The following RGS3 variants were observed in gnomAD, a reference collection of about 807,000 sequenced individuals.
RGS3 encodes the protein regulator of G protein signaling 3, also known as regulator of G-protein signalling 3.
RGS3 carries 80 observed loss-of-function variants against 132.6 expected under a neutral mutation model. That is an observed-to-expected ratio of 0.60 (90% CI 0.50 to 0.73). The LOEUF (loss-of-function observed/expected upper bound fraction) is 0.73. RGS3 is among the 30% of genes least tolerant of loss of function. RGS3 has a pLI of 0.00. For missense variants in RGS3, 1,382 were observed against 1,530.8 expected (o/e 0.90, Z 1.62); for synonymous variants, 598 against 620.6 (o/e 0.96, Z 0.54).
At chr9:113,535,172 C>G (rs1832627842) in intron 18 of RGS3, among the ~76,000 whole-genome samples, 1 of 151,266 alleles carries the variant, frequency 6.6e-6, no homozygotes, top group South Asian at 2.1e-4. Flanking sequence ...TTTTTCGAGG[C>G]TGAGTCTTGC....
chr9:113,491,396 G>A lies in RGS3; in HGVS notation c.690-4390G>A, dbSNP rs866972504. 6.6e-5 allele frequency among the ~76,000 whole-genome samples: 10 copies of A among 151,408 alleles called. No individual in the cohort carries two copies. The East Asian group carries it at 1.2e-3, about 18-fold the overall frequency. On this transcript the variant is annotated intron_variant, in intron 7 of 24. Coordinates refer to ENST00000350696, the Ensembl canonical transcript of RGS3. ...CCCAAGTAGCTGGCACTCTGCAGGC[G>A]CATGCCACCATGCCCAGCTGATTTT... is the stretch of plus-strand genomic sequence containing the variant.
chr9:113,534,397 C>T (rs1011629697), intron 18 of RGS3, among the ~76,000 whole-genome samples: 1 of 152,070 alleles, frequency 6.6e-6, no homozygotes, highest in Non-Finnish European at 1.5e-5. Flanking sequence ...TCCAGGACCC[C>T]ACAGATACCA....
In RGS3 at chr9:113,540,571, C is replaced by T. The variant is rs556969382; in HGVS notation, c.2037+3653C>T. ...CCTCCTGCTCAGTACCCTTCATGTG[C>T]CTGGTGCTGGGCTGGGCTCCAGGAA... On this transcript the variant is annotated intron_variant, in intron 19 of 24. Transcript: ENST00000350696. Among the ~76,000 whole-genome samples, 5 of 152,278 alleles carry T rather than the reference C, an allele frequency of 3.3e-5. No individual in the cohort carries two copies. In the South Asian group the frequency reaches 6.2e-4, roughly 19 times the overall value.
rs1438989522 is a variant in RGS3, at chr9:113,523,946, TC to T, written c.1870+909del. ...CAGTATGAGAACCGCCACTCTCACT[TC>T]CCCACAGGAAGCCACTGACAACTTC... On this transcript the variant is annotated intron_variant, in intron 17 of 24. Transcript: ENST00000350696. Among the ~76,000 whole-genome samples, 21 of 152,130 alleles carry T rather than the reference TC, an allele frequency of 1.4e-4. 1 individual carries two copies. The highest frequency in any genetic ancestry group is 7.4e-5 in the Non-Finnish European group (5 of 68,022).
intron 3 of RGS3, among the ~76,000 whole-genome samples, chr9:113,470,191 T>C (rs1829785860): frequency 6.6e-6 from 1 of 152,082 alleles, no homozygotes; most frequent in African/African-American, 2.4e-5. Context: ...TTTTTATAAA[T>C]GTTCTTTGTG....
Position 113,503,629 on chromosome 9 carries a change from A to G in RGS3, c.898-1813A>G, listed in dbSNP as rs539694083. Among the ~76,000 whole-genome samples, 3 of 152,254 alleles carry G rather than the reference A, an allele frequency of 2.0e-5. No individual in the cohort carries two copies. The South Asian group carries it at 6.2e-4, about 32-fold the overall frequency. ...GACCCCACTCTCCAGTTACTGCCCCATAACTGGCCATCCAGAGCCCAGGGT... is the reference window on the plus strand; with the variant it reads ...GACCCCACTCTCCAGTTACTGCCCCGTAACTGGCCATCCAGAGCCCAGGGT... On this transcript the variant is annotated intron_variant, in intron 10 of 24. Coordinates refer to ENST00000350696, the Ensembl canonical transcript of RGS3.
chr9:113,456,258 A>G (rs1244675128), upstream of RGS3, among the ~76,000 whole-genome samples: 1 of 152,106 alleles, frequency 6.6e-6, no homozygotes, highest in Non-Finnish European at 1.5e-5. Context: ...GAATTCCTAA[A>G]TCTATATTTC....
intron 3 of RGS3, among the ~76,000 whole-genome samples, chr9:113,478,178 G>A (rs142560591): frequency 6.6e-5 from 10 of 152,118 alleles, no homozygotes; most frequent in African/African-American, 1.7e-4. Flanking sequence ...TTCCAGCCCC[G>A]TCCTTCTGTT....
intron 19 of RGS3, chr9:113,541,366 A>G (rs1346772435): frequency 6.2e-7 from 1 of 1,613,786 alleles, no homozygotes; most frequent in Non-Finnish European, 8.5e-7. Flanking sequence ...GGGCCGGTCA[A>G]CTCAACCAAT....
chr9:113,521,212 T>C (rs973244145), intron 16 of RGS3, among the ~76,000 whole-genome samples: 6 of 152,184 alleles, frequency 3.9e-5, no homozygotes, highest in East Asian at 1.9e-4. Context: ...TTGGGCCCCA[T>C]TGGAGAAGCC....
At chr9:113,487,152 C>T (rs970958711) in intron 7 of RGS3, among the ~76,000 whole-genome samples, 1 of 148,092 alleles carries the variant, frequency 6.8e-6, no homozygotes, top group Non-Finnish European at 1.5e-5. Context: ...TCGCCCAGGC[C>T]GGACTGCGGA....
intron 19 of RGS3, chr9:113,541,737 C>T (rs750067840): frequency 7.6e-5 from 79 of 1,041,658 alleles, no homozygotes; most frequent in African/African-American, 1.0e-4. Flanking sequence ...TGGTGGCTCC[C>T]GGACCTGCCT....
At chr9:113,482,876 A>G (rs1830208376) in intron 4 of RGS3, 183 bp from the exon 3 acceptor site, 1 of 1,451,014 alleles carries the variant, frequency 6.9e-7, no homozygotes, top group East Asian at 2.5e-5. Flanking sequence ...GTTCATAGCC[A>G]ATGGTGGTTA....
chr9:113,567,099 A>G (rs1272363840), intron 19 of RGS3, among the ~76,000 whole-genome samples: 1 of 152,268 alleles, frequency 6.6e-6, no homozygotes, highest in Non-Finnish European at 1.5e-5. Context: ...AGAAGTCTCC[A>G]GGGCTTTGAG....
intron 24 of RGS3, 117 bp downstream of exon 22, chr9:113,595,882 C>T (rs1835749698): frequency 9.1e-7 from 1 of 1,093,716 alleles, no homozygotes; most frequent in Non-Finnish European, 1.3e-6. Context: ...CTCCATGAGC[C>T]CAGGTACCCA....
chr9:113,476,521 G>T (rs1212919676), intron 3 of RGS3, among the ~76,000 whole-genome samples: 1 of 152,166 alleles, frequency 6.6e-6, no homozygotes, highest in African/African-American at 2.4e-5. Context: ...TGGTCTGCTG[G>T]GTTTGGTTTC....
chr9:113,551,299 G>A (rs1380768822), intron 19 of RGS3, among the ~76,000 whole-genome samples: 1 of 152,228 alleles, frequency 6.6e-6, no homozygotes, highest in Non-Finnish European at 1.5e-5. Context: ...GCATGTATCA[G>A]CAACTAATTC....
At chr9:113,569,937 T>C (rs1462237490) in intron 19 of RGS3, among the ~76,000 whole-genome samples, 12 of 152,124 alleles carry the variant, frequency 7.9e-5, no homozygotes, top group Admixed American at 6.5e-5. Flanking sequence ...TCCCAGTCTA[T>C]CCACCCCTCA....
chr9:113,447,323 GTATATGTATATA>G lies in RGS3; in HGVS notation c.-13+2402_-13+2413del, dbSNP rs1829126819. Among the ~76,000 whole-genome samples the G allele has an allele frequency of 6.8e-5, 2 of 29,422 alleles. 1 individual carries two copies. The highest frequency in any genetic ancestry group is 1.8e-4 in the African/African-American group (2 of 11,234). The allele number at this position is 29,422 out of a possible 152,430, so 19.3% of individuals were successfully genotyped here. On this transcript the variant is annotated intron_variant, in intron 1 of 25. Coordinates refer to the RGS3 transcript ENST00000374140. ...TGTAAACCAATAAATTCTGATGTATGTATATGTATATATATATATATATATATATATATATAT... is the reference window on the plus strand; with the variant it reads ...TGTAAACCAATAAATTCTGATGTATGTATATATATATATATATATATATAT...
Sources: gnomAD v4.1 joint callset for allele counts (sites outside exome capture counted in the v4.1 genomes callset) on GRCh38, gnomAD v4.1.1 for gene constraint, MANE v1.5 for transcripts, NCBI Gene and HGNC (gene_info 2026-07-23, HGNC 2026-07-21) for gene names.